FAM186B: variants seen among roughly 807,000 people sequenced by gnomAD.
FAM186B encodes the protein protein FAM186B.
In FAM186B, 68 loss-of-function variants were observed where a neutral mutation model predicts 83.4. That is an observed-to-expected ratio of 0.81 (90% CI 0.67 to 1.00). The LOEUF (loss-of-function observed/expected upper bound fraction) is 1.00, where lower values mean the gene tolerates loss of function less well. Ranked by LOEUF, FAM186B falls within the 50% of genes least tolerant of loss-of-function variation. FAM186B has a pLI of 0.00. For missense variants in FAM186B, 983 were observed against 1,099.2 expected (o/e 0.89, Z 1.49); for synonymous variants, 389 against 422.0 (o/e 0.92, Z 0.96).
intron 1 of FAM186B, 119 bp downstream of exon 1, chr12:49,605,263 G>A (rs1350479982): frequency 3.9e-6 from 6 of 1,533,506 alleles, no homozygotes; most frequent in South Asian, 2.4e-5. Context: ...GACCCAGGTT[G>A]CTGAATATCC....
upstream of FAM186B, chr12:49,605,774 T>G (rs1334326958): frequency 4.3e-6 from 1 of 234,072 alleles, no homozygotes; most frequent in Non-Finnish European, 8.3e-6. Flanking sequence ...TTTTTTTTTT[T>G]TTTGAGACGG....
Position 49,600,746 on chromosome 12 carries a change from C to T in FAM186B, c.894G>A (p.Glu298=), listed in dbSNP as rs1051740287. ...GGTCATGGTACCTTCCCCCTAAGAT[C>T]TCTACCTGCTTCAGCAGAGCATCCC... The part of the protein sequence containing the change: ...SRRDALLKQV[E]ILGGRYHDLL... Residue 298 remains glutamate, a synonymous_variant, in exon 4 of 7, where the codon GAG becomes GAA. Coordinates refer to ENST00000257894, the MANE Select transcript of FAM186B (RefSeq NM_032130.3). This position sits in a 1 kb window ranked among gnomAD's most constrained non-coding sequence, Gnocchi z 4.3. 2 of 1,613,990 alleles carry T rather than the reference C, an allele frequency of 1.2e-6. No individual in the cohort carries two copies. The highest frequency in any genetic ancestry group is 1.1e-5 in the South Asian group (1 of 91,068).
intron 2 of FAM186B, 66 bp from the exon 3 acceptor site, chr12:49,603,433 A>G: frequency 6.6e-7 from 1 of 1,522,320 alleles, no homozygotes; most frequent in Non-Finnish European, 9.0e-7. Flanking sequence ...AGACAGCCCT[A>G]TAGCACAGGG....
rs550241950 is a variant in FAM186B, at chr12:49,587,610, C to G, written c.2677G>C (p.Val893Leu). 1.9e-6 allele frequency: 3 copies of G among 1,613,322 alleles called. No homozygotes were observed. The highest frequency in any genetic ancestry group is 1.3e-5 in the African/African-American group (1 of 74,888). The change falls in exon 7 of 7, where the codon GTG becomes CTG. Residue 893 changes from valine (V) to leucine (L), a missense_variant. Physicochemically the swap from Val to Leu is conservative, Grantham distance 32 (BLOSUM62 1). Transcript: ENST00000257894. ...PDIPRLLTLD[V>L] ...AGGCTTTTGTGGCAGGAGGACTACACGTCCAGTGTCAACAGCCGGGGAATA... is the reference window on the plus strand; with the variant it reads ...AGGCTTTTGTGGCAGGAGGACTACAGGTCCAGTGTCAACAGCCGGGGAATA...
At position 49,587,762 on chromosome 12, in the gene FAM186B, G is replaced by C; in HGVS notation, c.2535-10C>G. On this transcript the variant is annotated splice_polypyrimidine_tract_variant and intron_variant, in intron 6 of 6. Coordinates refer to ENST00000257894, the MANE Select transcript of FAM186B (RefSeq NM_032130.3). ...CTGCTTCCCCTGTTGGCTGGGAGTG[G>C]GGAGTTTGGAGAATGTGAAAAGCAA... The C allele has an allele frequency of 6.2e-7, 1 of 1,608,412 alleles. No individual in the cohort carries two copies. The highest frequency in any genetic ancestry group is 2.2e-5 in the East Asian group (1 of 44,858).
chr12:49,598,045 G>A (rs1297216039), intron 5 of FAM186B, among the ~76,000 whole-genome samples: 1 of 152,220 alleles, frequency 6.6e-6, no homozygotes, highest in Non-Finnish European at 1.5e-5. Flanking sequence ...GGGCAAAAGA[G>A]CGAGACTCTG....
intron 2 of FAM186B, 57 bp downstream of exon 2, chr12:49,604,256 G>A (rs1939959789): frequency 1.4e-6 from 2 of 1,405,974 alleles, no homozygotes; most frequent in Non-Finnish European, 2.0e-6. Flanking sequence ...CTGTCCCTGT[G>A]CTCGCCACCC....
chr12:49,605,377 G>A lies in FAM186B; in HGVS notation c.96+5C>T, dbSNP rs761992226. 2 of 1,610,968 alleles carry A rather than the reference G, an allele frequency of 1.2e-6. No individual in the cohort carries two copies. The highest frequency in any genetic ancestry group is 2.2e-5 in the South Asian group (2 of 90,040). ...TAAGAGTGATTCCTTCATCTCAGGGGCTACCTCTTGAGCCCGAGTTAGCTG... is the reference window on the plus strand; with the variant it reads ...TAAGAGTGATTCCTTCATCTCAGGGACTACCTCTTGAGCCCGAGTTAGCTG... On this transcript the variant is annotated splice_donor_5th_base_variant and intron_variant, in intron 1 of 6. Transcript: ENST00000257894.
chr12:49,614,381 G>A, the FAM186B span, among the ~76,000 whole-genome samples: 1 of 152,078 alleles, frequency 6.6e-6, no homozygotes, highest in Admixed American at 6.6e-5. Flanking sequence ...TACACACCAT[G>A]GAATACTAGA....
At chr12:49,614,718 C>A in the FAM186B span, among the ~76,000 whole-genome samples, 1 of 152,104 alleles carries the variant, frequency 6.6e-6, no homozygotes, top group Non-Finnish European at 1.5e-5. Context: ...CACATGTACC[C>A]CCTGAGTCTA....
chr12:49,622,646 C>CT, the FAM186B span: 1 of 152,346 alleles, frequency 6.6e-6, no homozygotes, highest in African/African-American at 2.4e-5. Context: ...GGTGTCACCT[C>CT]TAACTCTTCG....
rs1169171761 is a variant in FAM186B at position 49,604,368 on chromosome 12, A to G, written c.267T>C (p.Asp89=). Residue 89 remains aspartate, a synonymous_variant, in exon 2 of 7, where the codon GAT becomes GAC. Transcript: ENST00000257894. ...ACAGGTGCTTCTCCTTCATCATAGC[A>G]TCTTTGGAGAAGGAGGCAATTTTTT... ...LLEKIASFSK[D]AMMKEKHLYD... 1.2e-6 allele frequency: 2 copies of G among 1,614,110 alleles called. No individual in the cohort carries two copies. The highest frequency in any genetic ancestry group is 1.3e-5 in the African/African-American group (1 of 74,940).
the FAM186B span, chr12:49,619,184 T>G: frequency 5.7e-6 from 1 of 174,354 alleles, no homozygotes; most frequent in Non-Finnish European, 1.2e-5. Flanking sequence ...AATTTACTGC[T>G]CCCTTTCTCA....
chr12:49,586,538 G>A (rs570775145), downstream of FAM186B, among the ~76,000 whole-genome samples: 13 of 152,310 alleles, frequency 8.5e-5, no homozygotes, highest in East Asian at 7.7e-4. Context: ...GGGAAGGGAT[G>A]CGGAGAGGAG....
At chr12:49,588,984 C>G (rs1939515444) in intron 5 of FAM186B, among the ~76,000 whole-genome samples, 1 of 152,214 alleles carries the variant, frequency 6.6e-6, no homozygotes, top group South Asian at 2.1e-4. Context: ...CACTGGGTAT[C>G]TTTTCGTCCA....
In FAM186B at chr12:49,600,851, G is replaced by A. The variant is rs1372000919; in HGVS notation, c.789C>T (p.His263=). 1 of 1,612,784 alleles carries A rather than the reference G, an allele frequency of 6.2e-7. No individual in the cohort carries two copies. The highest frequency in any genetic ancestry group is 8.5e-7 in the Non-Finnish European group (1 of 1,179,606). The change falls in exon 4 of 7, where the codon CAC becomes CAT. Residue 263 remains histidine, a synonymous_variant. Coordinates refer to ENST00000257894, the MANE Select transcript of FAM186B (RefSeq NM_032130.3). This position sits in a 1 kb window ranked among gnomAD's most constrained non-coding sequence, Gnocchi z 4.3. The part of the protein sequence containing the change: ...ENRSLETKYR[H]LQMQATKELS... ...GCTCTTTGGTCGCCTGCATTTGCAG[G>A]TGCCTGTATTTGGTCTCCAGGCTCC...
At chr12:49,584,529 G>T, downstream of FAM186B, 1 of 702,366 alleles carries the variant, frequency 1.4e-6, no homozygotes, top group Non-Finnish European at 2.6e-6. Flanking sequence ...TGGGTTCCAG[G>T]GAGTGACTCG....
chr12:49,583,533 G>A (rs1039736322), downstream of FAM186B: 50 of 155,584 alleles, frequency 3.2e-4, no homozygotes, highest in Non-Finnish European at 5.7e-4. Flanking sequence ...CCTGCATCAT[G>A]ATGCCAACTC....
At chr12:49,609,169 T>C (rs1314865569), upstream of FAM186B, among the ~76,000 whole-genome samples, 1 of 152,188 alleles carries the variant, frequency 6.6e-6, no homozygotes, top group Non-Finnish European at 1.5e-5. Flanking sequence ...TGGTTTCTCC[T>C]AGGCAACAAG....
Sources: allele counts gnomAD v4.1 joint callset (sites outside exome capture counted in the v4.1 genomes callset), GRCh38; gene constraint gnomAD v4.1.1; non-coding constraint Gnocchi (gnomAD v3.1); transcripts MANE v1.5; gene names NCBI Gene and HGNC (gene_info 2026-07-23, HGNC 2026-07-21).